The following NMU variants were observed in gnomAD, a reference collection of about 807,000 sequenced individuals.
NMU encodes the protein neuromedin U.
Under a neutral mutation model 35.4 loss-of-function variants are expected in NMU, and 29 were observed. That is an observed-to-expected ratio of 0.82 (90% confidence interval 0.61 to 1.12). NMU has a LOEUF of 1.12. Ranked by LOEUF, NMU falls within the 50% of genes most tolerant of loss-of-function variation. NMU has a pLI of 0.00. For synonymous variants in NMU, 78 were observed against 81.3 expected, an observed-to-expected ratio of 0.96 and a Z score of 0.22; for missense variants, 199 against 206.2, an observed-to-expected ratio of 0.97 and a Z score of 0.21.
chr4:55,632,108 G>A, intron 1 of NMU, among the ~76,000 whole-genome samples: 1 of 152,136 alleles, frequency 6.6e-6, no homozygotes, highest in East Asian at 1.9e-4. Flanking sequence ...GCTAAGCTAT[G>A]AGGACACAAA....
chr4:55,604,667 T>C (rs972588244), intron 7 of NMU, among the ~76,000 whole-genome samples: 4 of 140,464 alleles, frequency 2.8e-5, no homozygotes, highest in Non-Finnish European at 4.6e-5. Context: ...CATGCGCCAA[T>C]ATGCCTGGCT....
Position 55,609,164 on chromosome 4 carries a change from C to T in NMU, c.235G>A (p.Glu79Lys). 1 of 1,612,800 alleles carries T rather than the reference C, an allele frequency of 6.2e-7. No homozygotes were observed. The highest frequency in any genetic ancestry group is 2.2e-5 in the East Asian group (1 of 44,856). The stretch of plus-strand genomic sequence containing the variant: ...CCCATAATCATAAAGCAAAGCTCCT[C>T]CAGTGCGTTGGATGCCTAACAGAAA... ...DSQPQASNAL[E>K]ELCFMIMGML... The change falls in exon 4 of 10, where the codon GAG becomes AAG. Residue 79 changes from glutamate (E) to lysine (K), a missense_variant. Transcript: ENST00000264218.
chr4:55,598,827 T>C (rs901683092), intron 9 of NMU, among the ~76,000 whole-genome samples: 7 of 152,156 alleles, frequency 4.6e-5, no homozygotes, highest in Non-Finnish European at 8.8e-5. Flanking sequence ...GCACAATAAA[T>C]GATGATAAGA....
chr4:55,600,001 A>T (rs913182238), intron 8 of NMU, among the ~76,000 whole-genome samples: 4 of 152,312 alleles, frequency 2.6e-5, no homozygotes, highest in African/African-American at 4.8e-5. Context: ...TGTATTAAGG[A>T]TGCAAATATT....
chr4:55,604,781 C>G (rs1410862898), intron 7 of NMU, among the ~76,000 whole-genome samples: 1 of 149,460 alleles, frequency 6.7e-6, no homozygotes, highest in Non-Finnish European at 1.5e-5. Context: ...GATCCACCCA[C>G]CTGGGCCTTC....
intron 9 of NMU, among the ~76,000 whole-genome samples, chr4:55,596,788 A>G (rs1308095829): frequency 6.6e-6 from 1 of 152,194 alleles, no homozygotes; most frequent in South Asian, 2.1e-4. Context: ...CTAACACATT[A>G]AGAACTACAT....
chr4:55,631,622 T>C (rs538646930), intron 1 of NMU, among the ~76,000 whole-genome samples: 1 of 152,214 alleles, frequency 6.6e-6, no homozygotes, highest in African/African-American at 2.4e-5. Flanking sequence ...AGATAACACC[T>C]TACTCCTGCA....
chr4:55,602,649 TAAG>T (rs1382397844), intron 7 of NMU, among the ~76,000 whole-genome samples: 1 of 152,228 alleles, frequency 6.6e-6, no homozygotes, highest in Non-Finnish European at 1.5e-5. Context: ...CAAACACTTT[TAAG>T]AAGTAAAAGT....
intron 7 of NMU, among the ~76,000 whole-genome samples, chr4:55,601,664 T>C (rs1733431556): frequency 1.3e-5 from 2 of 152,118 alleles, no homozygotes. Context: ...AATGTACACA[T>C]ATAAACCATA....
At chr4:55,596,082 GA>G (rs1371771217) in intron 9 of NMU, among the ~76,000 whole-genome samples, 1 of 152,028 alleles carries the variant, frequency 6.6e-6, no homozygotes, top group African/African-American at 2.4e-5. Context: ...TAAGATTTAT[GA>G]ATAAGCTATT....
chr4:55,605,379 A>T, intron 6 of NMU, 30 bp from the exon 7 acceptor site: 1 of 1,528,212 alleles, frequency 6.5e-7, no homozygotes. Context: ...CACGTGAATA[A>T]GTGCATGGCT....
At chr4:55,599,801 T>C (rs1733350520) in intron 8 of NMU, among the ~76,000 whole-genome samples, 1 of 152,194 alleles carries the variant, frequency 6.6e-6, no homozygotes, top group Non-Finnish European at 1.5e-5. Flanking sequence ...TCACAGCCTT[T>C]GGACTACAAG....
intron 6 of NMU, 70 bp from the exon 7 acceptor site, chr4:55,605,419 T>C (rs1320382111): frequency 8.7e-7 from 1 of 1,151,350 alleles, no homozygotes; most frequent in Non-Finnish European, 1.3e-6. Flanking sequence ...GACGGTTTCC[T>C]ATTTGTTTTT....
Position 55,630,457 on chromosome 4 carries a change from G to C in NMU, c.116C>G (p.Ala39Gly), listed in dbSNP as rs368033586. ...LAWCAGACRG[A>G]PILPQGLQPE... ...CTGTAATCCTTGAGGTAATATTGGA[G>C]CACCTAAAAATAAAGTTGTAGCCAC... Residue 39 changes from alanine to glycine, a missense_variant, in exon 2 of 10, where the codon GCT (alanine) becomes GGT (glycine). Coordinates refer to ENST00000264218, the MANE Select transcript of NMU (RefSeq NM_006681.4). 3 of 1,610,344 alleles carry C rather than the reference G, an allele frequency of 1.9e-6. No individual in the cohort carries two copies. Among genetic ancestry groups the C allele is most frequent in the Non-Finnish European group, 1.7e-6 (2 of 1,177,034 alleles).
intron 2 of NMU, among the ~76,000 whole-genome samples, chr4:55,618,038 G>A (rs571094873): frequency 2.6e-5 from 4 of 152,152 alleles, no homozygotes; most frequent in Non-Finnish European, 4.4e-5. Context: ...GTAAGCATTT[G>A]TTCACTGTAC....
chr4:55,635,177 G>A (rs894871114), intron 1 of NMU, among the ~76,000 whole-genome samples: 4 of 152,046 alleles, frequency 2.6e-5, no homozygotes, highest in Admixed American at 2.6e-4. Flanking sequence ...GCAATGGAGG[G>A]AACCCTGACT....
At chr4:55,636,433 C>G (rs975881229), upstream of NMU, 6 of 510,464 alleles carry the variant, frequency 1.2e-5, no homozygotes, top group African/African-American at 1.2e-4. The surrounding 1 kb of genome is among the most constrained non-coding windows in gnomAD (Gnocchi z 4.0). Flanking sequence ...CCTGCCCGCG[C>G]CCCACCCTGC....
chr4:55,633,411 T>C (rs975141987), intron 1 of NMU, among the ~76,000 whole-genome samples: 14 of 152,076 alleles, frequency 9.2e-5, no homozygotes, highest in African/African-American at 3.1e-4. Flanking sequence ...TTTTTTTTTG[T>C]CTATGTGTTA....
intron 3 of NMU, among the ~76,000 whole-genome samples, chr4:55,611,016 A>C (rs1733908167): frequency 6.6e-6 from 1 of 152,218 alleles, no homozygotes; most frequent in Non-Finnish European, 1.5e-5. Context: ...CCTGTTCAGC[A>C]TGTTTGTGTT....
Sources: allele counts gnomAD v4.1 joint callset (sites outside exome capture counted in the v4.1 genomes callset), GRCh38; gene constraint gnomAD v4.1.1; non-coding constraint Gnocchi (gnomAD v3.1); transcripts MANE v1.5; gene names NCBI Gene and HGNC (gene_info 2026-07-23, HGNC 2026-07-21).